The following ADAMTS12 variants were observed in gnomAD, a reference collection of about 807,000 sequenced individuals.
The protein encoded by ADAMTS12 is ADAM metallopeptidase with thrombospondin type 1 motif 12.
A neutral mutation model predicts 167.8 loss-of-function variants in ADAMTS12; 118 were observed. The ratio of observed to expected loss-of-function variants is 0.70; its 90% CI spans 0.61 to 0.82. The LOEUF (loss-of-function observed/expected upper bound fraction) is 0.82, where lower values mean the gene tolerates loss of function less well. Ranked by LOEUF, ADAMTS12 falls within the 40% of genes least tolerant of loss-of-function variation. The probability of loss-of-function intolerance (pLI) is 0.00; values close to 1 mark genes in which losing one functional copy is unlikely to be tolerated. For synonymous variants in ADAMTS12, 704 were observed against 716.9 expected (o/e 0.98, Z 0.29); for missense variants, 1,916 against 1,998.8 (o/e 0.96, Z 0.79).
At chr5:33,714,343 T>A (rs1355425854) in intron 3 of ADAMTS12, among the ~76,000 whole-genome samples, 1 of 152,082 alleles carries the variant, frequency 6.6e-6, no homozygotes, top group Non-Finnish European at 1.5e-5. Context: ...AATCAAAATG[T>A]AATGCAAATG....
At chr5:33,595,898 C>A in intron 17 of ADAMTS12, 36 bp downstream of exon 17, 1 of 1,612,210 alleles carries the variant, frequency 6.2e-7, no homozygotes, top group Non-Finnish European at 8.5e-7. Context: ...TCACTGTAGG[C>A]AGACACACAG....
At chr5:33,587,941 C>A (rs1345811465) in intron 18 of ADAMTS12, among the ~76,000 whole-genome samples, 1 of 152,208 alleles carries the variant, frequency 6.6e-6, no homozygotes, top group South Asian at 2.1e-4. Flanking sequence ...TAACTGGGAA[C>A]ATGACAATGC....
chr5:33,812,699 T>C (rs1476558943), intron 2 of ADAMTS12, among the ~76,000 whole-genome samples: 1 of 152,250 alleles, frequency 6.6e-6, no homozygotes, highest in African/African-American at 2.4e-5. Context: ...AATATAACAA[T>C]GGTTCATATA....
At chr5:33,649,429 C>T (rs985171263) in intron 8 of ADAMTS12, 125 bp downstream of exon 8, 21 of 1,226,712 alleles carry the variant, frequency 1.7e-5, no homozygotes, top group Middle Eastern at 2.8e-4. Context: ...TGATGCCACC[C>T]TGACATGGTG....
intron 5 of ADAMTS12, among the ~76,000 whole-genome samples, chr5:33,668,915 A>G (rs1306509654): frequency 6.6e-6 from 1 of 152,226 alleles, no homozygotes; most frequent in Non-Finnish European, 1.5e-5. Context: ...TCTTGATTCA[A>G]TAGCAACTCA....
At chr5:33,613,326 G>GACCTGA (rs1738825402) in intron 16 of ADAMTS12, among the ~76,000 whole-genome samples, 1 of 152,180 alleles carries the variant, frequency 6.6e-6, no homozygotes, top group African/African-American at 2.4e-5. Flanking sequence ...TATTCAGCAG[G>GACCTGA]CCCTGACCCC....
chr5:33,730,289 G>GGT (rs762232547), intron 3 of ADAMTS12, among the ~76,000 whole-genome samples: 4,716 of 144,162 alleles, frequency 0.033, 101 homozygotes, highest in African/African-American at 0.057. Context: ...AGTCCATTAG[G>GGT]GTGTGTGTGT....
At chr5:33,610,545 G>A (rs183843076) in intron 16 of ADAMTS12, among the ~76,000 whole-genome samples, 4 of 151,962 alleles carry the variant, frequency 2.6e-5, no homozygotes, top group East Asian at 1.9e-4. Flanking sequence ...AATATTCCAC[G>A]GCACCCTATG....
At position 33,684,167 on chromosome 5, in the gene ADAMTS12, A is replaced by T. The variant is rs542488338; in HGVS notation, c.635-112T>A. ...GTTTAATTTACATTTAATAATATAA[A>T]CGCAATGTTTTTACGTACATAACCA... On this transcript the variant is annotated intron_variant, in intron 3 of 23. Transcript: ENST00000504830. 6.1e-5 allele frequency: 52 copies of T among 846,754 alleles called. 1 individual carries two copies. In the South Asian group the frequency reaches 2.5e-3, roughly 41 times the overall value. 52.5% of individuals were successfully genotyped at this position (846,754 alleles called of 1,614,324 possible).
At chr5:33,752,727 C>A (rs1001596413) in intron 2 of ADAMTS12, among the ~76,000 whole-genome samples, 1 of 152,128 alleles carries the variant, frequency 6.6e-6, no homozygotes, top group East Asian at 1.9e-4. Flanking sequence ...AGGGAAACTG[C>A]AAAAGGCTTT....
rs534603741 is a variant in ADAMTS12, at chr5:33,524,281, C to T, written c.*2907G>A. On this transcript the variant is annotated 3_prime_UTR_variant, in exon 24 of 24. Coordinates refer to ENST00000504830, the MANE Select transcript of ADAMTS12 (RefSeq NM_030955.4). ...TAAGTCTCCTGGAATATTGTTCTCTCGTGGTGTGTTTAATTACATTTTCAT... is the reference window on the plus strand; with the variant it reads ...TAAGTCTCCTGGAATATTGTTCTCTTGTGGTGTGTTTAATTACATTTTCAT... 8.5e-5 allele frequency: 13 copies of T among 152,266 alleles called. No homozygotes were observed. The highest frequency in any genetic ancestry group is 1.9e-4 in the East Asian group (1 of 5,184). The allele number at this position is 152,266 out of a possible 1,614,324, so 9.4% of individuals were successfully genotyped here.
chr5:33,839,247 CTATGT>C lies in ADAMTS12; in HGVS notation c.489+41867_489+41871del, dbSNP rs559543879. 6.3e-4 allele frequency among the ~76,000 whole-genome samples: 96 copies of C among 152,278 alleles called. 1 individual carries two copies. The highest frequency in any genetic ancestry group is 2.2e-3 in the African/African-American group (91 of 41,566). On this transcript the variant is annotated intron_variant, in intron 2 of 23. Transcript: ENST00000504830. ...TACAAATAGGAGATGATAAGAATAT[CTATGT>C]TATAAGATTCTAGTAAGCTTTGGCA... is the stretch of plus-strand genomic sequence containing the variant.
chr5:33,878,798 A>T (rs1750320674), intron 2 of ADAMTS12, among the ~76,000 whole-genome samples: 1 of 152,214 alleles, frequency 6.6e-6, no homozygotes, highest in Non-Finnish European at 1.5e-5. Context: ...CAGACCAATT[A>T]AATCAAAACA....
At chr5:33,882,466 C>T (rs550017774) in intron 1 of ADAMTS12, among the ~76,000 whole-genome samples, 9 of 152,200 alleles carry the variant, frequency 5.9e-5, no homozygotes, top group Non-Finnish European at 1.3e-4. Context: ...TTGACCTACT[C>T]AAATTTGCCT....
At chr5:33,561,907 C>T (rs962199704) in intron 19 of ADAMTS12, among the ~76,000 whole-genome samples, 4 of 152,192 alleles carry the variant, frequency 2.6e-5, no homozygotes, top group African/African-American at 9.7e-5. Context: ...CCTCTCCTCC[C>T]TAACACTGAA....
intron 3 of ADAMTS12, among the ~76,000 whole-genome samples, chr5:33,741,838 G>A (rs893288439): frequency 6.6e-6 from 1 of 152,280 alleles, no homozygotes. Flanking sequence ...ATGTTGGCCA[G>A]GATGGTCTCA....
chr5:33,540,125 G>A (rs550228329), intron 22 of ADAMTS12, among the ~76,000 whole-genome samples: 61 of 152,258 alleles, frequency 4.0e-4, no homozygotes, highest in Admixed American at 9.2e-4. Flanking sequence ...TTTTCCCAAG[G>A]TCTTAGCAAC....
chr5:33,751,284 T>TA (rs5867210), intron 3 of ADAMTS12, 120 bp downstream of exon 3: 568,835 of 964,854 alleles, frequency 0.59, 131,165 homozygotes, highest in African/African-American at 0.64. Context: ...ATGAAGATAT[T>TA]AAAAAAAAAA....
intron 2 of ADAMTS12, among the ~76,000 whole-genome samples, chr5:33,756,708 C>A (rs1472613939): frequency 6.6e-6 from 1 of 152,126 alleles, no homozygotes; most frequent in Non-Finnish European, 1.5e-5. Context: ...TGAGTCTGGG[C>A]AGCCCTAGTA....
Sources: gnomAD v4.1 joint callset for allele counts (sites outside exome capture counted in the v4.1 genomes callset) on GRCh38, gnomAD v4.1.1 for gene constraint, MANE v1.5 for transcripts, NCBI Gene and HGNC (gene_info 2026-07-23, HGNC 2026-07-21) for gene names.